ARSD: variants seen among roughly 807,000 people sequenced by gnomAD.
The protein encoded by ARSD is arylsulfatase D.
Under a neutral mutation model 32.6 loss-of-function variants are expected in ARSD, and 21 were observed. That is an observed-to-expected ratio of 0.64 (90% CI 0.46 to 0.93). The LOEUF is 0.93. Among genes scored for constraint, ARSD ranks in the 40% least tolerant of loss-of-function variants. The pLI is 0.00. For synonymous variants in ARSD, 224 were observed against 237.4 expected (o/e 0.94, Z 0.52); for missense variants, 454 against 520.9 (o/e 0.87, Z 1.25).
chrX:2,908,913 C>G, intron 8 of ARSD, 71 bp from the exon 9 acceptor site: 1 of 1,193,481 alleles, frequency 8.4e-7, no homozygotes, highest in Non-Finnish European at 1.1e-6. Flanking sequence ...CACCTGGGAA[C>G]ACATCTCCCA....
chrX:2,919,435 G>A (rs1324995754), intron 4 of ARSD, among the ~76,000 whole-genome samples: 1 of 107,426 alleles, frequency 9.3e-6, no homozygotes, highest in Non-Finnish European at 1.9e-5. Flanking sequence ...GGTAAGGAAT[G>A]AAGGAGGTAA....
At chrX:2,912,480 G>A (rs1269490939) in intron 6 of ARSD, among the ~76,000 whole-genome samples, 1 of 111,397 alleles carries the variant, frequency 9.0e-6, no homozygotes, top group African/African-American at 3.3e-5. Context: ...ACCACCTTGA[G>A]TACATGTTCT....
intron 1 of ARSD, among the ~76,000 whole-genome samples, chrX:2,927,519 C>G (rs1459134675): frequency 3.6e-5 from 4 of 111,753 alleles, no homozygotes; most frequent in Admixed American, 1.9e-4. Context: ...TCTCAAACTC[C>G]TGACCTCAGG....
intron 4 of ARSD, among the ~76,000 whole-genome samples, chrX:2,918,477 G>A (rs767935373): frequency 1.8e-5 from 2 of 112,554 alleles, no homozygotes. Context: ...TCGGCCGGGC[G>A]CGGTGGCTCA....
At chrX:2,927,538 C>A (rs752523558) in intron 1 of ARSD, among the ~76,000 whole-genome samples, 4 of 111,951 alleles carry the variant, frequency 3.6e-5, no homozygotes, top group South Asian at 7.5e-4. Context: ...GGTGATCCAC[C>A]CGTCTCGGCC....
intron 1 of ARSD, among the ~76,000 whole-genome samples, chrX:2,926,041 G>A (rs1382897079): frequency 8.9e-6 from 1 of 111,855 alleles, no homozygotes; most frequent in Non-Finnish European, 1.9e-5. Context: ...AGGAAGGCCT[G>A]GAAATTCTCT....
intron 2 of ARSD, chrX:2,923,346 T>G: frequency 1.0e-5 from 2 of 198,382 alleles, no homozygotes; most frequent in Non-Finnish European, 2.0e-5. Context: ...TGGTGGCATG[T>G]GCCTGTAGTC....
At position 2,917,971 on chromosome X, in the gene ARSD, G is replaced by A. The variant is rs750971864; in HGVS notation, c.696C>T (p.Gly232=). Reference sequence around the variant, plus strand: ...AAAACAGGCAGCCCACGCCGGCCATGCCGGTGACTGCTCTCGCGGAGACAG... The same window carrying A: ...AAAACAGGCAGCCCACGCCGGCCATACCGGTGACTGCTCTCGCGGAGACAG... ...FFSVSARAVT[G]MAGVGCLFFI... Residue 232 remains glycine, a synonymous_variant, in exon 5 of 10, where the codon GGC becomes GGT. Transcript: ENST00000381154. 8.3e-6 allele frequency: 10 copies of A among 1,210,589 alleles called. No individual in the cohort carries two copies. In the East Asian group the frequency reaches 2.1e-4, roughly 25 times the overall value.
intron 6 of ARSD, among the ~76,000 whole-genome samples, chrX:2,911,873 T>C (rs1335182912): frequency 9.1e-6 from 1 of 109,579 alleles, no homozygotes; most frequent in African/African-American, 3.3e-5. Flanking sequence ...CAGTGGCTCA[T>C]GCCTGTCATC....
chrX:2,905,010 C>G lies in ARSD; in HGVS notation c.*2261G>C. ...AACCTGAGCTCTATAAATGTTGCCT[C>G]TCTCCACTCATCTTCTCTTTGGCTT... On this transcript the variant is annotated 3_prime_UTR_variant, in exon 10 of 10. Coordinates refer to ENST00000381154, the MANE Select transcript of ARSD (RefSeq NM_001669.4). The G allele has an allele frequency of 2.9e-6, 1 of 340,576 alleles. No homozygotes were observed. The highest frequency in any genetic ancestry group is 5.9e-6 in the Non-Finnish European group (1 of 169,835). The allele number at this position is 340,576 out of a possible 1,213,427, so 28.1% of individuals were successfully genotyped here.
In ARSD at chrX:2,917,873, G is replaced by A. The variant is rs776244005; in HGVS notation, c.794C>T (p.Thr265Met). Residue 265 changes from threonine to methionine, a missense_variant, in exon 5 of 10, where the codon ACG becomes ATG. Transcript: ENST00000381154. The stretch of plus-strand genomic sequence containing the variant: ...TTTCTCCAGAACCATGGGTTGCTCC[G>A]TGACGTCATGGTTTCTCATCAGGAT... ...NCILMRNHDV[T>M]EQPMVLEKTA... 1 of 1,210,575 alleles carries A rather than the reference G, an allele frequency of 8.3e-7. No homozygotes were observed. Among genetic ancestry groups the A allele is most frequent in the Admixed American group, 2.2e-5 (1 of 45,876 alleles).
At chrX:2,913,565 G>A in intron 6 of ARSD, 1 of 991,853 alleles carries the variant, frequency 1.0e-6, no homozygotes, top group East Asian at 6.9e-5. Context: ...GATTCTGCAA[G>A]GATTTTAATA....
chrX:2,914,721 T>G, intron 6 of ARSD: 2 of 1,027,685 alleles, frequency 1.9e-6, no homozygotes, highest in South Asian at 3.7e-5. Context: ...TCCTGAACAT[T>G]AACTTTATCG....
intron 5 of ARSD, among the ~76,000 whole-genome samples, chrX:2,917,268 A>G (rs2088970954): frequency 9.1e-6 from 1 of 109,447 alleles, no homozygotes; most frequent in East Asian, 2.9e-4. Flanking sequence ...ATAAAAATGT[A>G]CAGAATCCAA....
chrX:2,918,103 C>G lies in ARSD; in HGVS notation c.564G>C (p.Arg188Ser), dbSNP rs2088988309. ...TCAGGGCGGCGTCCACTTCGGGGGG[C>G]CTGCCTGGGTCACAGTCGTTTGTGA... The part of the protein sequence containing the change: ...FTLTNDCDPG[R>S]PPEVDAALRA... Residue 188 changes from arginine to serine, a missense_variant, in exon 5 of 10, where the codon AGG becomes AGC. Around this residue, in one of 3 missense-constraint regions of ARSD, gnomAD observed 271 missense variants for 301.0 expected, o/e 0.90. Transcript: ENST00000381154. 2 of 1,200,919 alleles carry G rather than the reference C, an allele frequency of 1.7e-6. No homozygotes were observed. Among genetic ancestry groups the G allele is most frequent in the Non-Finnish European group, 2.2e-6 (2 of 889,756 alleles).
intron 6 of ARSD, chrX:2,914,704 T>A: frequency 9.7e-7 from 1 of 1,027,846 alleles, no homozygotes; most frequent in Non-Finnish European, 1.3e-6. Flanking sequence ...ACAGCGTGTC[T>A]GCATTGTCCT....
Position 2,929,295 on chromosome X carries a change from G to A in ARSD, c.-20C>T. The stretch of plus-strand genomic sequence containing the variant: ...TCGCATGGCCGAGCGCTGGCCCAGA[G>A]CGCAGGACCTTGCCCTGCGCACTCC... On this transcript the variant is annotated 5_prime_UTR_variant, in exon 1 of 10. Coordinates refer to ENST00000381154, the MANE Select transcript of ARSD (RefSeq NM_001669.4). 2 of 982,225 alleles carry A rather than the reference G, an allele frequency of 2.0e-6. No homozygotes were observed. Among genetic ancestry groups the A allele is most frequent in the South Asian group, 7.7e-5 (2 of 26,032 alleles). The allele number at this position is 982,225 out of a possible 1,213,427, so 80.9% of individuals were successfully genotyped here. A position where few individuals can be genotyped will look rare whatever the true frequency, so the allele number is the denominator to read the frequency against.
rs888661730 is a variant in ARSD, at chrX:2,907,314, AAATGTCCGCAGCACGGCTGCAGCC to A, written c.1715_1738del (p.Trp572_His579del). The A allele has an allele frequency of 8.3e-7, 1 of 1,210,383 alleles. No homozygotes were observed. The highest frequency in any genetic ancestry group is 1.7e-5 in the African/African-American group (1 of 57,423). ...ATCCTCGTGGCATGAACAGAACGGG[AAATGTCCGCAGCACGGCTGCAGCC>A]ACGGCTTCCACAGGATGTTGCTCAT... On this transcript the variant is annotated inframe_deletion, in exon 10 of 10. Transcript: ENST00000381154.
chrX:2,926,016 G>A (rs757390384), intron 1 of ARSD, among the ~76,000 whole-genome samples: 2 of 111,936 alleles, frequency 1.8e-5, no homozygotes, highest in South Asian at 7.5e-4. Flanking sequence ...TTTTAATTCT[G>A]TAACCAGTTA....
Sources: allele counts gnomAD v4.1 joint callset (sites outside exome capture counted in the v4.1 genomes callset), GRCh38; gene constraint gnomAD v4.1.1; regional missense constraint gnomAD v4.1.1; transcripts MANE v1.5; gene names NCBI Gene and HGNC (gene_info 2026-07-23, HGNC 2026-07-21).